Variants in NCKAP5 observed in about 807,000 individuals in gnomAD.
The protein encoded by NCKAP5 is NCK associated protein 5.
NCKAP5 carries 92 observed loss-of-function variants against 167.0 expected under a neutral mutation model. The observed-to-expected ratio is 0.55, with a 90% CI of 0.47 to 0.66. NCKAP5 has a LOEUF of 0.66. Among genes scored for constraint, NCKAP5 ranks in the 30% least tolerant of loss-of-function variants. The probability of loss-of-function intolerance (pLI) is 0.00; values close to 1 mark genes in which losing one functional copy is unlikely to be tolerated. For synonymous variants in NCKAP5, 891 were observed against 877.4 expected, an observed-to-expected ratio of 1.02 and a Z score of -0.27; for missense variants, 2,378 against 2,315.0, an observed-to-expected ratio of 1.03 and a Z score of -0.56.
At chr2:133,344,823 A>G (rs185795567) in intron 3 of NCKAP5, among the ~76,000 whole-genome samples, 92 of 152,192 alleles carry the variant, frequency 6.0e-4, no homozygotes, top group African/African-American at 2.1e-3. Flanking sequence ...TAGAGGAAAA[A>G]TCAAAAGCTC....
intron 2 of NCKAP5, among the ~76,000 whole-genome samples, chr2:133,526,171 GGAAGGAA>G (rs1684856052): frequency 2.1e-5 from 2 of 93,534 alleles, no homozygotes; most frequent in East Asian, 9.0e-4. Flanking sequence ...GAATGAGGAA[GGAAGGAA>G]GGAAGGAAGG....
intron 6 of NCKAP5, among the ~76,000 whole-genome samples, chr2:133,091,653 C>T (rs1362285250): frequency 3.3e-5 from 5 of 152,052 alleles, no homozygotes; most frequent in Admixed American, 1.3e-4. Flanking sequence ...TTTGGGAGGC[C>T]GAGGTGGGCA....
chr2:132,813,475 T>C (rs917454595), intron 11 of NCKAP5, among the ~76,000 whole-genome samples: 5 of 152,186 alleles, frequency 3.3e-5, no homozygotes, highest in Non-Finnish European at 7.3e-5. Context: ...CTTCTCAGTA[T>C]GCTTCTTCCT....
In NCKAP5 at chr2:132,879,663, A is replaced by T. The variant is rs543966945; in HGVS notation, c.580-747T>A. Among the ~76,000 whole-genome samples the T allele has an allele frequency of 1.4e-3, 213 of 152,312 alleles. 1 individual carries two copies. Among genetic ancestry groups the T allele is most frequent in the African/African-American group, 4.8e-3 (201 of 41,574 alleles). On this transcript the variant is annotated intron_variant, in intron 8 of 19. Coordinates refer to ENST00000409261, the MANE Select transcript of NCKAP5 (RefSeq NM_207363.3). ...ACTGCAGGTTCCTGTCTGAATCTTC[A>T]ACTGTGCCAGTGAACCCTTCCCAGG...
intron 3 of NCKAP5, among the ~76,000 whole-genome samples, chr2:133,311,294 G>GT (rs1348689027): frequency 1.3e-5 from 2 of 152,204 alleles, no homozygotes; most frequent in Non-Finnish European, 2.9e-5. Context: ...CCCATTTATT[G>GT]TAAGTGATAT....
chr2:133,230,917 A>C (rs1485773792), intron 4 of NCKAP5, among the ~76,000 whole-genome samples: 1 of 152,182 alleles, frequency 6.6e-6, no homozygotes, highest in Non-Finnish European at 1.5e-5. Context: ...CTAATGTACA[A>C]AATTTTATAA....
intron 8 of NCKAP5, among the ~76,000 whole-genome samples, chr2:132,914,276 A>G (rs902608868): frequency 6.6e-6 from 1 of 152,220 alleles, no homozygotes; most frequent in Non-Finnish European, 1.5e-5. Context: ...GAAAAAAGGC[A>G]TAGAAATGTT....
intron 3 of NCKAP5, among the ~76,000 whole-genome samples, chr2:133,484,788 T>C (rs981067668): frequency 6.7e-6 from 1 of 150,314 alleles, no homozygotes; most frequent in Non-Finnish European, 1.5e-5. Context: ...TCATGATGTA[T>C]ATACAAATAT....
chr2:132,959,889 C>T (rs2076461367), intron 8 of NCKAP5, among the ~76,000 whole-genome samples: 1 of 152,164 alleles, frequency 6.6e-6, no homozygotes, highest in African/African-American at 2.4e-5. Context: ...GAAAATGCTA[C>T]AGTCAGGCAC....
At chr2:132,980,354 A>G (rs1559015492) in intron 7 of NCKAP5, among the ~76,000 whole-genome samples, 1 of 152,094 alleles carries the variant, frequency 6.6e-6, no homozygotes, top group Non-Finnish European at 1.5e-5. Flanking sequence ...AAAAATCCTC[A>G]TGCCCAGGCC....
At chr2:133,516,420 C>T (rs1263070592) in intron 3 of NCKAP5, among the ~76,000 whole-genome samples, 1 of 152,162 alleles carries the variant, frequency 6.6e-6, no homozygotes, top group Non-Finnish European at 1.5e-5. Context: ...CTGGTCAATG[C>T]ACAGACCAAA....
chr2:132,998,150 G>T (rs1273893424), intron 6 of NCKAP5, among the ~76,000 whole-genome samples: 1 of 152,136 alleles, frequency 6.6e-6, no homozygotes, highest in African/African-American at 2.4e-5. Context: ...TTAGAACTCG[G>T]TTAAAATGAA....
intron 5 of NCKAP5, among the ~76,000 whole-genome samples, chr2:133,168,364 C>T (rs1377978946): frequency 1.3e-5 from 2 of 151,706 alleles, no homozygotes; most frequent in African/African-American, 2.4e-5. Context: ...TATAAAGCCC[C>T]CAACCAACAC....
chr2:133,387,804 C>T (rs1687099621), intron 3 of NCKAP5, among the ~76,000 whole-genome samples: 1 of 152,168 alleles, frequency 6.6e-6, no homozygotes, highest in South Asian at 2.1e-4. Context: ...GATCTTCAGT[C>T]ACTGATATCC....
chr2:132,688,596 C>T (rs909951514), intron 19 of NCKAP5, among the ~76,000 whole-genome samples: 1 of 151,996 alleles, frequency 6.6e-6, no homozygotes, highest in African/African-American at 2.4e-5. Flanking sequence ...AGGTGAGGAC[C>T]ATGTTCTTAG....
chr2:132,824,862 A>G (rs1304914728), intron 11 of NCKAP5, among the ~76,000 whole-genome samples: 1 of 152,228 alleles, frequency 6.6e-6, no homozygotes, highest in Non-Finnish European at 1.5e-5. Flanking sequence ...GCACAGCAAG[A>G]CTGATGACTC....
chr2:133,132,580 A>G (rs2082646320), intron 5 of NCKAP5, among the ~76,000 whole-genome samples: 1 of 151,740 alleles, frequency 6.6e-6, no homozygotes, highest in African/African-American at 2.4e-5. Context: ...GCTTTTTACT[A>G]AAATATATTC....
At chr2:133,648,225 T>G in the NCKAP5 span, among the ~76,000 whole-genome samples, 3 of 152,048 alleles carry the variant, frequency 2.0e-5, no homozygotes, top group African/African-American at 7.2e-5. Context: ...TCTATTAGAT[T>G]ATCTCTCTAT....
chr2:133,148,477 T>C (rs1436926889), intron 5 of NCKAP5, among the ~76,000 whole-genome samples: 1 of 152,168 alleles, frequency 6.6e-6, no homozygotes, highest in Non-Finnish European at 1.5e-5. Context: ...TGAAATGGCA[T>C]TTGGGCATCA....
Sources: allele counts gnomAD v4.1 joint callset (sites outside exome capture counted in the v4.1 genomes callset), GRCh38; gene constraint gnomAD v4.1.1; transcripts MANE v1.5; gene names NCBI Gene and HGNC (gene_info 2026-07-23, HGNC 2026-07-21).